The following C1QTNF6 variants were observed in gnomAD, a reference collection of about 807,000 sequenced individuals.
The protein encoded by C1QTNF6 is complement C1q tumor necrosis factor-related protein 6.
In C1QTNF6, 17 loss-of-function variants were observed where a neutral mutation model predicts 20.7. That is an observed-to-expected ratio of 0.82 (90% CI 0.56 to 1.23). C1QTNF6 has a LOEUF of 1.23. Ranked by LOEUF, C1QTNF6 falls within the 50% of genes most tolerant of loss-of-function variation. The pLI, the probability that C1QTNF6 is intolerant of heterozygous loss-of-function variation, is 0.00. For synonymous variants in C1QTNF6, 130 were observed against 156.3 expected, an observed-to-expected ratio of 0.83 and a Z score of 1.25; for missense variants, 329 against 389.7, an observed-to-expected ratio of 0.84 and a Z score of 1.31.
In C1QTNF6 at chr22:37,182,423, T is replaced by C; in HGVS notation, c.602A>G (p.Asn201Ser). The C allele has an allele frequency of 6.2e-7, 1 of 1,614,270 alleles. No individual in the cohort carries two copies. The highest frequency in any genetic ancestry group is 8.5e-7 in the Non-Finnish European group (1 of 1,180,054). ...AATGTGCACGTACGTCTCCTTGTAA[T>C]TCCAGCTGTGCACATTGAGGCTGAA... ...YFFSLNVHSW[N>S]YKETYVHIMH... Residue 201 changes from asparagine to serine, a missense_variant, in exon 3 of 3, where the codon AAT becomes AGT. Asn to Ser is a conservative substitution (Grantham distance 46, BLOSUM62 1). Coordinates refer to ENST00000337843, the MANE Select transcript of C1QTNF6 (RefSeq NM_031910.4).
chr22:37,185,893 A>G (rs2086551091), intron 1 of C1QTNF6: 1 of 987,126 alleles, frequency 1.0e-6, no homozygotes, highest in Non-Finnish European at 1.2e-6. Context: ...CTTTCTTGCC[A>G]CCGACTCCAC....
At chr22:37,196,751 AC>A (rs1196312536) in intron 1 of C1QTNF6, 1 of 151,940 alleles carries the variant, frequency 6.6e-6, no homozygotes, top group African/African-American at 2.4e-5. Context: ...GAGTGCGGGG[AC>A]CCCGGCGGGG....
chr22:37,195,722 C>T (rs1376307212), intron 1 of C1QTNF6: 1 of 152,168 alleles, frequency 6.6e-6, no homozygotes, highest in African/African-American at 2.4e-5. Context: ...GAGATTTCCC[C>T]AGAACTGAGA....
intron 1 of C1QTNF6, 80 bp downstream of exon 1, chr22:37,188,083 T>G (rs955851538): frequency 1.8e-5 from 27 of 1,463,042 alleles, no homozygotes; most frequent in Non-Finnish European, 2.4e-5. Flanking sequence ...CCCGAGATGC[T>G]TCCAGGAAGC....
In C1QTNF6 at chr22:37,183,362, G is replaced by A. The variant is rs1302343252; in HGVS notation, c.290-627C>T. ...CCTCAACAAAATGTCCTGTGGGAAAGCACTTTGCAAACTCTGCAACTAAGA... is the reference window on the plus strand; with the variant it reads ...CCTCAACAAAATGTCCTGTGGGAAAACACTTTGCAAACTCTGCAACTAAGA... On this transcript the variant is annotated intron_variant, in intron 2 of 2. Transcript: ENST00000337843. Among the ~76,000 whole-genome samples, 15 of 152,242 alleles carry A rather than the reference G, an allele frequency of 9.9e-5. 1 individual carries two copies. The highest frequency in any genetic ancestry group is 9.8e-4 in the Admixed American group (15 of 15,290).
Position 37,182,554 on chromosome 22 carries a change from G to A in C1QTNF6, c.471C>T (p.Gly157=), listed in dbSNP as rs769725904. The change falls in exon 3 of 3, where the codon GGC becomes GGT. Residue 157 remains glycine (G), a synonymous_variant. Coordinates refer to ENST00000337843, the MANE Select transcript of C1QTNF6 (RefSeq NM_031910.4). ...SVGRKTALHS[G]EDFQTLLFER... ...CGAAGAGCAGCGTCTGGAAGTCCTCGCCGCTGTGCAGGGCCGTCTTGCGGC... is the reference window on the plus strand; with the variant it reads ...CGAAGAGCAGCGTCTGGAAGTCCTCACCGCTGTGCAGGGCCGTCTTGCGGC... The A allele has an allele frequency of 9.9e-6, 16 of 1,614,086 alleles. No individual in the cohort carries two copies. The Admixed American group carries it at 1.2e-4, about 12-fold the overall frequency.
At chr22:37,182,972 G>A (rs968464353) in intron 2 of C1QTNF6, 1 of 1,375,196 alleles carries the variant, frequency 7.3e-7, no homozygotes, top group Non-Finnish European at 9.4e-7. Flanking sequence ...CACAGTGCAG[G>A]AGCAGAAGAG....
chr22:37,188,286 A>G (rs1924555229), upstream of C1QTNF6: 2 of 1,127,228 alleles, frequency 1.8e-6, no homozygotes, highest in African/African-American at 1.6e-5. Context: ...CCAGCAGAGG[A>G]GGGAGAGAGG....
At chr22:37,185,553 A>G in intron 1 of C1QTNF6, 98 bp from the exon 2 acceptor site, 2 of 1,414,566 alleles carry the variant, frequency 1.4e-6, no homozygotes, top group East Asian at 2.6e-5. Flanking sequence ...CAGCCACAGC[A>G]CTCCTGACCT....
chr22:37,196,486 T>C (rs1925141970), intron 1 of C1QTNF6: 1 of 152,264 alleles, frequency 6.6e-6, no homozygotes, highest in Non-Finnish European at 1.5e-5. Flanking sequence ...GAAGACTTAC[T>C]GCCTGGGCCA....
At chr22:37,185,773 G>A (rs1239202130) in intron 1 of C1QTNF6, 1 of 1,038,442 alleles carries the variant, frequency 9.6e-7, no homozygotes, top group Non-Finnish European at 1.2e-6. Flanking sequence ...AGAGCAGACA[G>A]GGATCCCAGG....
intron 1 of C1QTNF6, 119 bp downstream of exon 1, chr22:37,188,044 G>T (rs1437233897): frequency 9.5e-7 from 1 of 1,047,184 alleles, no homozygotes; most frequent in Non-Finnish European, 1.4e-6. Context: ...GCCTGGAGAG[G>T]CTGTCCCAGT....
chr22:37,187,902 C>T lies in C1QTNF6; in HGVS notation c.51+261G>A, dbSNP rs573498313. 2.0e-5 allele frequency among the ~76,000 whole-genome samples: 3 copies of T among 152,086 alleles called. No homozygotes were observed. The South Asian group carries it at 6.2e-4, about 32-fold the overall frequency. On this transcript the variant is annotated intron_variant, in intron 1 of 2. Transcript: ENST00000337843. ...TGGGACCTCTTTGGGGAGGGAGCGG[C>T]AGGGCAACTTTTCTCGGTCCAGGCA...
upstream of C1QTNF6, among the ~76,000 whole-genome samples, chr22:37,189,170 T>C (rs1019013558): frequency 6.6e-6 from 1 of 152,220 alleles, no homozygotes; most frequent in Non-Finnish European, 1.5e-5. Flanking sequence ...TAGGCTGTCT[T>C]GGTGCTGGTA....
chr22:37,198,469 C>G (rs1013073919), upstream of C1QTNF6, among the ~76,000 whole-genome samples: 2 of 152,212 alleles, frequency 1.3e-5, no homozygotes, highest in African/African-American at 4.8e-5. Flanking sequence ...GCTTACAAAG[C>G]ACGGCGCGCT....
At chr22:37,185,599 G>T in intron 1 of C1QTNF6, 144 bp from the exon 2 acceptor site, 1 of 1,367,870 alleles carries the variant, frequency 7.3e-7, no homozygotes, top group Non-Finnish European at 9.4e-7. Context: ...CCATCTATCA[G>T]ACAAGAAGAC....
Position 37,182,200 on chromosome 22 carries a change from G to C in C1QTNF6, c.825C>G (p.Ala275=), listed in dbSNP as rs773826811. The C allele has an allele frequency of 2.5e-6, 4 of 1,610,934 alleles. No homozygotes were observed. Among genetic ancestry groups the C allele is most frequent in the Admixed American group, 3.3e-5 (2 of 59,886 alleles). The part of the protein sequence containing the change: ...YITFSGHLIK[A]EDD ...GGCCCAGAGGCCCTCAGTCGTCCTC[G>C]GCCTTGATGAGGTGGCCGCTGAAGG... The change falls in exon 3 of 3, where the codon GCC becomes GCG. Residue 275 remains alanine, a synonymous_variant. Coordinates refer to ENST00000337843, the MANE Select transcript of C1QTNF6 (RefSeq NM_031910.4).
chr22:37,185,754 C>T (rs1601630256), intron 1 of C1QTNF6: 1 of 1,066,654 alleles, frequency 9.4e-7, no homozygotes. Context: ...CTGAAAACAG[C>T]CACAGCTGAG....
chr22:37,188,349 G>A (rs542779725), upstream of C1QTNF6: 96 of 714,310 alleles, frequency 1.3e-4, no homozygotes, highest in South Asian at 1.4e-3. Context: ...GGGCAGAGCC[G>A]CTTCCCACTT....
Sources: allele counts gnomAD v4.1 joint callset (sites outside exome capture counted in the v4.1 genomes callset), GRCh38; gene constraint gnomAD v4.1.1; transcripts MANE v1.5; gene names NCBI Gene and HGNC (gene_info 2026-07-23, HGNC 2026-07-21).